Variants in LARGE1 observed in about 807,000 individuals in gnomAD.
The protein encoded by LARGE1 is xylosyl- and glucuronyltransferase LARGE1.
A neutral mutation model predicts 87.6 loss-of-function variants in LARGE1; 43 were observed. The observed-to-expected ratio is 0.49, with a 90% CI of 0.38 to 0.63. The LOEUF (loss-of-function observed/expected upper bound fraction) is 0.63. Ranked by LOEUF, LARGE1 falls within the 30% of genes least tolerant of loss-of-function variation. LARGE1 has a pLI of 0.00. For synonymous variants in LARGE1, 434 were observed against 394.6 expected (o/e 1.10, Z -1.18); for missense variants, 802 against 1,000.2 (o/e 0.80, Z 2.67).
At chr22:33,508,004 G>A (rs1323430724) in intron 6 of LARGE1, among the ~76,000 whole-genome samples, 4 of 152,078 alleles carry the variant, frequency 2.6e-5, no homozygotes, top group African/African-American at 4.8e-5. Flanking sequence ...ATACCTTTGG[G>A]TTGAAGGAAG....
chr22:33,690,484 C>T (rs2082068277), intron 2 of LARGE1, among the ~76,000 whole-genome samples: 1 of 152,044 alleles, frequency 6.6e-6, no homozygotes. Flanking sequence ...AGAAGCCTGA[C>T]CTGAGTTACT....
At chr22:33,349,763 G>T (rs16992192) in intron 9 of LARGE1, among the ~76,000 whole-genome samples, 7 of 152,156 alleles carry the variant, frequency 4.6e-5, no homozygotes, top group African/African-American at 1.7e-4. Flanking sequence ...TTTTGCCACA[G>T]TGCAGTCTAG....
chr22:33,910,103 C>G (rs567084728), intron 1 of LARGE1, among the ~76,000 whole-genome samples: 10 of 152,316 alleles, frequency 6.6e-5, no homozygotes, highest in Admixed American at 3.9e-4. Context: ...TACCTCCTTT[C>G]TATTGTTGCT....
chr22:33,731,574 A>G (rs2083470028), intron 2 of LARGE1, among the ~76,000 whole-genome samples: 1 of 152,104 alleles, frequency 6.6e-6, no homozygotes, highest in Non-Finnish European at 1.5e-5. Flanking sequence ...AGAAATGTGG[A>G]GGTATTATTC....
At chr22:33,334,912 C>T (rs1030531538) in intron 10 of LARGE1, among the ~76,000 whole-genome samples, 4 of 152,164 alleles carry the variant, frequency 2.6e-5, no homozygotes, top group Non-Finnish European at 5.9e-5. Context: ...TCACGGATTC[C>T]GAGAAAGACC....
At chr22:33,070,078 T>C in the LARGE1 span, among the ~76,000 whole-genome samples, 685 of 152,306 alleles carry the variant, frequency 4.5e-3, 3 homozygotes, top group African/African-American at 0.015. Flanking sequence ...CGCCTCGGCC[T>C]CCGAAAGTGC....
intron 1 of LARGE1, among the ~76,000 whole-genome samples, chr22:33,849,592 C>CTTTTTTTTTTTTTTTT (rs71187287): frequency 2.3e-5 from 2 of 88,592 alleles, no homozygotes; most frequent in East Asian, 3.1e-4. Context: ...CTTTTCTTCT[C>CTTTTTTTTTTTTTTTT]TTTTTTTTTT....
chr22:33,234,960 TG>T (rs1351246553), intron 11 of LARGE1, among the ~76,000 whole-genome samples: 1 of 152,234 alleles, frequency 6.6e-6, no homozygotes, highest in Non-Finnish European at 1.5e-5. Flanking sequence ...CACTTTGAGA[TG>T]AATATTTTGA....
At chr22:33,605,747 G>A (rs1372860764) in intron 4 of LARGE1, among the ~76,000 whole-genome samples, 1 of 152,178 alleles carries the variant, frequency 6.6e-6, no homozygotes, top group Non-Finnish European at 1.5e-5. Flanking sequence ...ATACAAAGAT[G>A]AGAATGACCC....
At chr22:33,086,293 G>T in the LARGE1 span, among the ~76,000 whole-genome samples, 27 of 152,048 alleles carry the variant, frequency 1.8e-4, no homozygotes, top group Non-Finnish European at 3.5e-4. Context: ...AGATATAAAA[G>T]AGTTTAAAAT....
chr22:33,719,603 C>T (rs2083025573), intron 2 of LARGE1, among the ~76,000 whole-genome samples: 1 of 151,926 alleles, frequency 6.6e-6, no homozygotes, highest in African/African-American at 2.4e-5. Flanking sequence ...TCATTGCAAC[C>T]TCCGCCTCCC....
chr22:33,847,013 G>A (rs575363676), intron 1 of LARGE1, among the ~76,000 whole-genome samples: 2 of 151,954 alleles, frequency 1.3e-5, no homozygotes, highest in Middle Eastern at 3.2e-3. Context: ...CACCCTATTC[G>A]TACACTCCCT....
chr22:33,750,901 A>G (rs1354472202), intron 2 of LARGE1: 1 of 152,226 alleles, frequency 6.6e-6, no homozygotes, highest in Non-Finnish European at 1.5e-5. Context: ...CATTACATAG[A>G]AGTGTTAAAC....
Position 33,559,963 on chromosome 22 carries a change from C to T in LARGE1, c.787+4885G>A, listed in dbSNP as rs1466606943. Among the ~76,000 whole-genome samples, 4 of 152,166 alleles carry T rather than the reference C, an allele frequency of 2.6e-5. No individual in the cohort carries two copies. The East Asian group carries it at 7.7e-4, about 29-fold the overall frequency. ...CTGGTGTATATGGTCACTTTGAGTT[C>T]TTTCACGAATCTAACTTCGGTCTCT... On this transcript the variant is annotated intron_variant, in intron 6 of 14. Coordinates refer to ENST00000397394, the MANE Select transcript of LARGE1 (RefSeq NM_133642.5).
chr22:33,333,181 G>A (rs887496939), intron 10 of LARGE1, among the ~76,000 whole-genome samples: 1 of 151,990 alleles, frequency 6.6e-6, no homozygotes, highest in South Asian at 2.1e-4. Flanking sequence ...CACCAAGCTC[G>A]GCTATTTTTT....
intron 13 of LARGE1, among the ~76,000 whole-genome samples, chr22:33,278,867 G>A (rs894956663): frequency 2.0e-5 from 3 of 152,068 alleles, no homozygotes; most frequent in African/African-American, 7.2e-5. Context: ...CTACAGGCAC[G>A]CATCACCACG....
intron 11 of LARGE1, among the ~76,000 whole-genome samples, chr22:33,239,959 A>T (rs1458855771): frequency 6.6e-6 from 1 of 152,212 alleles, no homozygotes. Context: ...GGGAGAATAT[A>T]TATTTGCAAG....
chr22:33,405,756 G>A (rs1601726703), intron 7 of LARGE1, among the ~76,000 whole-genome samples: 1 of 152,202 alleles, frequency 6.6e-6, no homozygotes, highest in African/African-American at 2.4e-5. Context: ...GAAGCACTTA[G>A]CACAGGGCCT....
intron 11 of LARGE1, among the ~76,000 whole-genome samples, chr22:33,229,227 G>A (rs1169303469): frequency 6.6e-6 from 1 of 152,096 alleles, no homozygotes; most frequent in African/African-American, 2.4e-5. Context: ...AAGACACATG[G>A]CCCTCCTACA....
Sources: allele counts gnomAD v4.1 joint callset (sites outside exome capture counted in the v4.1 genomes callset), GRCh38; gene constraint gnomAD v4.1.1; transcripts MANE v1.5; gene names NCBI Gene and HGNC (gene_info 2026-07-23, HGNC 2026-07-21).